RBFOX2: variants seen among roughly 807,000 people sequenced by gnomAD.
The protein encoded by RBFOX2 is RNA binding fox-1 homolog 2, also known as RNA binding protein fox-1 homolog 2.
A neutral mutation model predicts 49.1 loss-of-function variants in RBFOX2; 10 were observed. That is an observed-to-expected ratio of 0.20 (90% CI 0.13 to 0.35). RBFOX2 has a LOEUF of 0.35. Ranked by LOEUF, RBFOX2 falls within the 10% of genes least tolerant of loss-of-function variation. The pLI is 1.00. For missense variants in RBFOX2, 323 were observed against 486.9 expected (o/e 0.66, Z 3.17); for synonymous variants, 183 against 187.4 (o/e 0.98, Z 0.19).
At chr22:35,852,571 C>A (rs2042065804) in intron 1 of RBFOX2, among the ~76,000 whole-genome samples, 1 of 151,874 alleles carries the variant, frequency 6.6e-6, no homozygotes, top group African/African-American at 2.4e-5. Context: ...AATTATTAAT[C>A]CTTCTTCCTC....
At chr22:35,877,639 T>C (rs1468106935) in intron 1 of RBFOX2, among the ~76,000 whole-genome samples, 1 of 152,208 alleles carries the variant, frequency 6.6e-6, no homozygotes, top group African/African-American at 2.4e-5. Flanking sequence ...TATTCTCATT[T>C]TACAGATGAG....
At chr22:35,852,143 A>G (rs1427588596) in intron 1 of RBFOX2, among the ~76,000 whole-genome samples, 1 of 152,180 alleles carries the variant, frequency 6.6e-6, no homozygotes, top group Non-Finnish European at 1.5e-5. Context: ...TTTACATAGC[A>G]TTTACATTGT....
chr22:35,869,466 G>C (rs1474223182), intron 1 of RBFOX2, among the ~76,000 whole-genome samples: 1 of 58,558 alleles, frequency 1.7e-5, no homozygotes, highest in Non-Finnish European at 3.2e-5. Flanking sequence ...GCCAACGGCT[G>C]ACCAAAAAAA....
chr22:35,833,816 G>A (rs1957193185), intron 1 of RBFOX2, among the ~76,000 whole-genome samples: 4 of 152,124 alleles, frequency 2.6e-5, no homozygotes, highest in African/African-American at 9.7e-5. Flanking sequence ...TAAGGCTGCT[G>A]AGTGGAATAA....
chr22:35,925,542 A>G (rs2051527711), intron 1 of RBFOX2, among the ~76,000 whole-genome samples: 1 of 152,214 alleles, frequency 6.6e-6, no homozygotes, highest in Admixed American at 6.5e-5. Context: ...AAAGCAAAGT[A>G]GAAAGCATGT....
intron 1 of RBFOX2, among the ~76,000 whole-genome samples, chr22:35,896,268 T>C (rs2047830766): frequency 6.6e-6 from 1 of 152,224 alleles, no homozygotes; most frequent in South Asian, 2.1e-4. Context: ...CATCCATTTT[T>C]GGCCATGGAG....
At chr22:35,899,178 A>ATAACATAACC (rs1556357853) in intron 1 of RBFOX2, among the ~76,000 whole-genome samples, 1 of 133,406 alleles carries the variant, frequency 7.5e-6, no homozygotes, top group Non-Finnish European at 1.7e-5. Flanking sequence ...ATAACATAAC[A>ATAACATAACC]AACATAAAAA....
At chr22:36,003,887 G>A (rs1240822926) in intron 1 of RBFOX2, among the ~76,000 whole-genome samples, 1 of 152,180 alleles carries the variant, frequency 6.6e-6, no homozygotes, top group Non-Finnish European at 1.5e-5. Context: ...CTCAACAACT[G>A]TTCTTTTAAA....
exon 12 of RBFOX2, chr22:35,740,646 C>G (rs1293607000): frequency 6.6e-6 from 1 of 152,592 alleles, no homozygotes; most frequent in African/African-American, 2.4e-5. Context: ...AAGGCAAGGA[C>G]TGGTCAAAGC....
In RBFOX2 at chr22:36,001,192, C is replaced by T. The variant is rs9607297; in HGVS notation, c.186+27048G>A. Among the ~76,000 whole-genome samples, 15 of 89,362 alleles carry T rather than the reference C, an allele frequency of 1.7e-4. No homozygotes were observed. In the East Asian group the frequency reaches 2.7e-3, roughly 16 times the overall value. The allele number at this position is 89,362 out of a possible 152,430, so 58.6% of individuals were successfully genotyped here. On this transcript the variant is annotated intron_variant, in intron 1 of 13. Coordinates refer to the RBFOX2 transcript ENST00000438146. The stretch of plus-strand genomic sequence containing the variant: ...TCTCTGGCCCCAAAACATACACACA[C>T]ACACACACACACACACACACACACA...
chr22:35,939,945 T>G (rs2053527621), upstream of RBFOX2, among the ~76,000 whole-genome samples: 1 of 152,200 alleles, frequency 6.6e-6, no homozygotes. Context: ...GAACATACAT[T>G]GCTTTTGTAA....
At chr22:35,803,402 A>T (rs1950125333) in intron 2 of RBFOX2, among the ~76,000 whole-genome samples, 1 of 152,236 alleles carries the variant, frequency 6.6e-6, no homozygotes, top group Admixed American at 6.5e-5. Flanking sequence ...AAGGCTGGGC[A>T]TGGTGTCTCA....
intron 1 of RBFOX2, among the ~76,000 whole-genome samples, chr22:35,972,488 G>A (rs538645370): frequency 6.6e-6 from 1 of 151,420 alleles, no homozygotes; most frequent in South Asian, 2.1e-4. Flanking sequence ...CTAGCACTAA[G>A]GAGACCTGGA....
chr22:35,894,274 T>C (rs2047576337), intron 1 of RBFOX2, among the ~76,000 whole-genome samples: 1 of 152,226 alleles, frequency 6.6e-6, no homozygotes, highest in East Asian at 1.9e-4. Flanking sequence ...TCACTCTTTG[T>C]GGCTTAATTA....
chr22:35,866,381 T>G (rs753768172), intron 1 of RBFOX2, among the ~76,000 whole-genome samples: 2 of 152,238 alleles, frequency 1.3e-5, no homozygotes, highest in African/African-American at 2.4e-5. Flanking sequence ...TTTATTAATT[T>G]CAAACAATTT....
intron 1 of RBFOX2, among the ~76,000 whole-genome samples, chr22:35,874,078 C>T (rs1391145458): frequency 6.6e-6 from 1 of 152,162 alleles, no homozygotes; most frequent in Non-Finnish European, 1.5e-5. Context: ...GTCATCTCAT[C>T]AATTCATACT....
At chr22:35,914,126 G>C (rs2050140611) in intron 1 of RBFOX2, among the ~76,000 whole-genome samples, 1 of 152,176 alleles carries the variant, frequency 6.6e-6, no homozygotes, top group South Asian at 2.1e-4. Context: ...CAGCCTAGTG[G>C]AATGGAAGAG....
At chr22:36,005,651 G>C (rs1461279048) in intron 1 of RBFOX2, among the ~76,000 whole-genome samples, 1 of 152,196 alleles carries the variant, frequency 6.6e-6, no homozygotes, top group Non-Finnish European at 1.5e-5. Context: ...TTCGTCGTCA[G>C]AAGAGATAGG....
In RBFOX2 at chr22:35,969,381, T is replaced by C. The variant is rs76275268; in HGVS notation, c.187-30484A>G. On this transcript the variant is annotated intron_variant, in intron 1 of 13. Transcript: ENST00000438146. The stretch of plus-strand genomic sequence containing the variant: ...TGAGGTCAGGAGTTTGAGACCAGCC[T>C]GGCAACATGGTAAAACCCTGTCTCT... Among the ~76,000 whole-genome samples the C allele has an allele frequency of 1.4e-3, 216 of 152,282 alleles. 4 individuals carry two copies. In the East Asian group the frequency reaches 0.04, roughly 28 times the overall value.
Sources: allele counts gnomAD v4.1 joint callset (sites outside exome capture counted in the v4.1 genomes callset), GRCh38; gene constraint gnomAD v4.1.1; transcripts MANE v1.5; gene names NCBI Gene and HGNC (gene_info 2026-07-23, HGNC 2026-07-21).